DPYSL2: variants seen among roughly 807,000 people sequenced by gnomAD.
DPYSL2 encodes dihydropyrimidinase like 2, also known as dihydropyrimidinase-related protein 2.
DPYSL2 carries 13 observed loss-of-function variants against 69.9 expected under a neutral mutation model. The observed-to-expected ratio is 0.19, with a 90% CI of 0.12 to 0.30. The LOEUF (loss-of-function observed/expected upper bound fraction) is 0.30, where lower values mean the gene tolerates loss of function less well. Ranked by LOEUF, DPYSL2 falls within the 10% of genes least tolerant of loss-of-function variation. The pLI is 1.00. For missense variants in DPYSL2, 587 were observed against 918.9 expected (o/e 0.64, Z 4.67); for synonymous variants, 326 against 359.1 (o/e 0.91, Z 1.04).
At chr8:26,594,972 G>A (rs1405169985) in intron 3 of DPYSL2, among the ~76,000 whole-genome samples, 3 of 152,092 alleles carry the variant, frequency 2.0e-5, no homozygotes, top group Non-Finnish European at 2.9e-5. Flanking sequence ...ACTTGAAGGC[G>A]CCAGGAGTTC....
chr8:26,549,719 G>A (rs1255469374), intron 1 of DPYSL2, among the ~76,000 whole-genome samples: 2 of 152,306 alleles, frequency 1.3e-5, no homozygotes, highest in Non-Finnish European at 2.9e-5. Context: ...GTGTTATACC[G>A]GATTTCTCTT....
chr8:26,636,951 AG>A (rs1298031570), intron 8 of DPYSL2, among the ~76,000 whole-genome samples: 4 of 152,096 alleles, frequency 2.6e-5, no homozygotes, highest in African/African-American at 9.7e-5. Context: ...CATGTTGACC[AG>A]GCTGGTCTGG....
rs759008839 is a variant in DPYSL2, at chr8:26,641,425, A to C, written c.1127-2014A>C. Among the ~76,000 whole-genome samples, 10 of 152,162 alleles carry C rather than the reference A, an allele frequency of 6.6e-5. No homozygotes were observed. Among genetic ancestry groups the C allele is most frequent in the Non-Finnish European group, 1.0e-4 (7 of 68,036 alleles). On this transcript the variant is annotated intron_variant, in intron 8 of 13. Coordinates refer to ENST00000521913, the MANE Select transcript of DPYSL2 (RefSeq NM_001197293.3). The surrounding 1 kb of genome is among the most constrained non-coding windows in gnomAD (Gnocchi z 4.1). ...GGTCAGGAGAGTTTTGCTTAACCAG[A>C]TCTGTTTGATCCTTGAACCAAAAGC...
rs1801398847 is a variant in DPYSL2 at position 26,578,013 on chromosome 8, C to CTT, written c.355-3955_355-3954insTT. 18 of 1,384,490 alleles carry CTT rather than the reference C, an allele frequency of 1.3e-5. No homozygotes were observed. The South Asian group carries it at 2.8e-4, about 21-fold the overall frequency. 85.8% of individuals were successfully genotyped at this position (1,384,490 alleles called of 1,614,324 possible). On this transcript the variant is annotated intron_variant, in intron 1 of 13. Transcript: ENST00000521913. ...TCTCCTTCTCTCTCTCTCTCTCTCT[C>CTT]TCTCTTTTTTTTCCGCCCTAGCTGG...
intron 1 of DPYSL2, among the ~76,000 whole-genome samples, chr8:26,579,477 GC>G (rs1345015474): frequency 6.6e-6 from 1 of 152,220 alleles, no homozygotes; most frequent in Admixed American, 6.5e-5. Flanking sequence ...TAGGACTGAG[GC>G]AGAGATCGAA....
intron 7 of DPYSL2, among the ~76,000 whole-genome samples, chr8:26,632,444 A>G (rs1802799923): frequency 6.6e-6 from 1 of 152,206 alleles, no homozygotes; most frequent in South Asian, 2.1e-4. Context: ...AGAACCCTTC[A>G]CAGGGACGGG....
At chr8:26,542,372 T>C (rs1252327456) in intron 1 of DPYSL2, among the ~76,000 whole-genome samples, 1 of 151,952 alleles carries the variant, frequency 6.6e-6, no homozygotes, top group Non-Finnish European at 1.5e-5. Context: ...CTGTCTATAA[T>C]AGATACACTT....
intron 1 of DPYSL2, among the ~76,000 whole-genome samples, chr8:26,553,834 CCCA>C (rs1800904389): frequency 6.6e-6 from 1 of 151,796 alleles, no homozygotes; most frequent in Admixed American, 6.6e-5. Flanking sequence ...AATTTATACT[CCCA>C]CCAACAGTGC....
rs1353370362 is a variant in DPYSL2, at chr8:26,516,862, A to C, written c.354+2183A>C. On this transcript the variant is annotated intron_variant, in intron 1 of 13. Coordinates refer to ENST00000521913, the MANE Select transcript of DPYSL2 (RefSeq NM_001197293.3). This position sits in a 1 kb window ranked among gnomAD's most constrained non-coding sequence, Gnocchi z 4.8. ...AGCATTTACCTGGATCAGTACTTGCAATGTTTCAATATTTCATGTCTTTAG... is the reference window on the plus strand; with the variant it reads ...AGCATTTACCTGGATCAGTACTTGCCATGTTTCAATATTTCATGTCTTTAG... Among the ~76,000 whole-genome samples the C allele has an allele frequency of 6.6e-6, 1 of 152,186 alleles. No individual in the cohort carries two copies. Among genetic ancestry groups the C allele is most frequent in the Non-Finnish European group, 1.5e-5 (1 of 68,030 alleles).
At position 26,619,210 on chromosome 8, in the gene DPYSL2, A is replaced by G. The variant is rs1189982919; in HGVS notation, c.629-4933A>G. ...GGCTTGTGTCCTCAGTGGGGACTCT[A>G]CTCCCTCCGGAAGTGAGTATGACAT... On this transcript the variant is annotated intron_variant, in intron 3 of 13. Transcript: ENST00000521913. This position sits in a 1 kb window ranked among gnomAD's most constrained non-coding sequence, Gnocchi z 4.8. Among the ~76,000 whole-genome samples, 1 of 151,736 alleles carries G rather than the reference A, an allele frequency of 6.6e-6. No individual in the cohort carries two copies. Among genetic ancestry groups the G allele is most frequent in the Non-Finnish European group, 1.5e-5 (1 of 67,986 alleles).
chr8:26,566,043 C>T (rs773865445), intron 1 of DPYSL2, among the ~76,000 whole-genome samples: 6 of 152,208 alleles, frequency 3.9e-5, no homozygotes, highest in Non-Finnish European at 5.9e-5. Flanking sequence ...TCATGAAGAG[C>T]TAGTGGCCTC....
chr8:26,602,688 A>G (rs1355274572), intron 3 of DPYSL2, among the ~76,000 whole-genome samples: 3 of 152,232 alleles, frequency 2.0e-5, no homozygotes, highest in African/African-American at 7.2e-5. Context: ...CCATTCATCC[A>G]TTCAGCTGAC....
intron 3 of DPYSL2, among the ~76,000 whole-genome samples, chr8:26,611,491 G>C (rs368342807): frequency 1.3e-5 from 2 of 152,298 alleles, no homozygotes; most frequent in Admixed American, 6.5e-5. Context: ...AGGAATTCCA[G>C]AAATGAAACA....
At chr8:26,612,524 A>G (rs974838840) in intron 3 of DPYSL2, among the ~76,000 whole-genome samples, 5 of 152,228 alleles carry the variant, frequency 3.3e-5, no homozygotes, top group African/African-American at 1.2e-4. Context: ...AGACTCTAAG[A>G]TAATGTGGTA....
Position 26,627,418 on chromosome 8 carries a change from T to G in DPYSL2, c.936+123T>G, listed in dbSNP as rs994039641. The G allele has an allele frequency of 3.0e-6, 3 of 992,740 alleles. No homozygotes were observed. The highest frequency in any genetic ancestry group is 2.0e-5 in the Admixed American group (1 of 48,964). The allele number at this position is 992,740 out of a possible 1,614,324, so 61.5% of individuals were successfully genotyped here. A position where few individuals can be genotyped will look rare whatever the true frequency, so the allele number is the denominator to read the frequency against. On this transcript the variant is annotated intron_variant, in intron 6 of 13. Coordinates refer to ENST00000521913, the MANE Select transcript of DPYSL2 (RefSeq NM_001197293.3). The surrounding 1 kb of genome is among the most constrained non-coding windows in gnomAD (Gnocchi z 6.9). ...AAAAGCAGAGGGACCTGGTGTTCCC[T>G]TGCTGGAGCTCTGCTCAGTCTCACC...
At chr8:26,601,777 C>T (rs1585537886) in intron 3 of DPYSL2, among the ~76,000 whole-genome samples, 1 of 152,154 alleles carries the variant, frequency 6.6e-6, no homozygotes, top group East Asian at 1.9e-4. Flanking sequence ...GTACTCAGGC[C>T]CAGCTGACTT....
Position 26,583,811 on chromosome 8 carries a change from A to C in DPYSL2, c.456A>C (p.Glu152Asp). 6.2e-7 allele frequency: 1 copy of C among 1,610,746 alleles called. No individual in the cohort carries two copies. Among genetic ancestry groups the C allele is most frequent in the South Asian group, 1.1e-5 (1 of 90,436 alleles). ...CCTGTTTATTTAGGCAAATAGGAGA[A>C]AATCTGATTGTGCCAGGAGGAGTGA... ...MEDGLIKQIGENLIVPGGVKT... is the reference protein window; with the variant it reads ...MEDGLIKQIGDNLIVPGGVKT... The change falls in exon 3 of 14, where the codon GAA (glutamate) becomes GAC (aspartate). Residue 152 changes from glutamate to aspartate, a missense_variant. Physicochemically the swap from Glu to Asp is conservative, Grantham distance 45. Transcript: ENST00000521913.
intron 7 of DPYSL2, among the ~76,000 whole-genome samples, chr8:26,631,582 T>A (rs150979141): frequency 8.5e-5 from 13 of 152,292 alleles, no homozygotes; most frequent in African/African-American, 3.1e-4. Flanking sequence ...TTTACGTGAT[T>A]AGGCCCAGCA....
intron 1 of DPYSL2, among the ~76,000 whole-genome samples, chr8:26,573,895 A>C (rs1258722282): frequency 7.2e-6 from 1 of 139,406 alleles, no homozygotes; most frequent in Non-Finnish European, 1.5e-5. Context: ...TGCATTGGGG[A>C]TTTTTTTTTT....
Sources: allele counts gnomAD v4.1 joint callset (sites outside exome capture counted in the v4.1 genomes callset), GRCh38; gene constraint gnomAD v4.1.1; non-coding constraint Gnocchi (gnomAD v3.1); transcripts MANE v1.5; gene names NCBI Gene and HGNC (gene_info 2026-07-23, HGNC 2026-07-21).